CTIF: variants seen among roughly 807,000 people sequenced by gnomAD.
CTIF encodes the protein cap binding complex dependent translation initiation factor, also known as CBP80/20-dependent translation initiation factor.
CTIF carries 21 observed loss-of-function variants against 66.0 expected under a neutral mutation model. The observed-to-expected ratio is 0.32, with a 90% CI of 0.23 to 0.46. The LOEUF (loss-of-function observed/expected upper bound fraction) is 0.46, where lower values mean the gene tolerates loss of function less well. Ranked by LOEUF, CTIF falls within the 20% of genes least tolerant of loss-of-function variation. CTIF has a pLI of 1.00. For missense variants in CTIF, 739 were observed against 812.7 expected (o/e 0.91, Z 1.10); for synonymous variants, 345 against 326.4 (o/e 1.06, Z -0.62).
At chr18:48,742,875 G>A (rs1202717932) in intron 7 of CTIF, among the ~76,000 whole-genome samples, 10 of 152,144 alleles carry the variant, frequency 6.6e-5, no homozygotes, top group Admixed American at 6.5e-4. Context: ...CATGGGGTGA[G>A]CATCGGGGCT....
chr18:48,616,226 C>T (rs1204635622), intron 1 of CTIF, among the ~76,000 whole-genome samples: 7 of 152,222 alleles, frequency 4.6e-5, no homozygotes, highest in African/African-American at 1.2e-4. Flanking sequence ...GAATAATGGG[C>T]GTGGCCTTGT....
intron 9 of CTIF, among the ~76,000 whole-genome samples, chr18:48,807,190 T>G (rs965448948): frequency 6.6e-6 from 1 of 152,186 alleles, no homozygotes; most frequent in Non-Finnish European, 1.5e-5. Flanking sequence ...CGGGGCATGT[T>G]CACACCCCAG....
intron 2 of CTIF, among the ~76,000 whole-genome samples, chr18:48,620,708 C>CCT (rs917339264): frequency 6.6e-6 from 1 of 152,196 alleles, no homozygotes; most frequent in African/African-American, 2.4e-5. Flanking sequence ...TGGGGATCCG[C>CCT]CTCTCGTGCG....
In CTIF at chr18:48,761,600, G is replaced by A. The variant is rs200906813; in HGVS notation, c.1282G>A (p.Ala428Thr). The change falls in exon 9 of 12, where the codon GCC becomes ACC. Residue 428 changes from alanine (A) to threonine (T), a missense_variant. Transcript: ENST00000256413. This position sits in a 1 kb window ranked among gnomAD's most constrained non-coding sequence, Gnocchi z 4.2. ...GAAGGCTGTGTCCGACCGCAGCTTCGCCTTCACCGCTGCCAAGCTCTGCGA... is the reference window on the plus strand; with the variant it reads ...GAAGGCTGTGTCCGACCGCAGCTTCACCTTCACCGCTGCCAAGCTCTGCGA... Reference protein sequence around the residue: ...YQKAVSDRSFAFTAAKLCDKM... With the variant: ...YQKAVSDRSFTFTAAKLCDKM... 22 of 1,614,184 alleles carry A rather than the reference G, an allele frequency of 1.4e-5. No homozygotes were observed. The highest frequency in any genetic ancestry group is 6.7e-5 in the Admixed American group (4 of 60,032).
At chr18:48,547,179 C>T (rs947671647) in intron 1 of CTIF, among the ~76,000 whole-genome samples, 3 of 152,148 alleles carry the variant, frequency 2.0e-5, no homozygotes, top group Non-Finnish European at 4.4e-5. Flanking sequence ...CTGCACAACT[C>T]GGGGAGGCAT....
chr18:48,701,840 A>G (rs559381715), intron 6 of CTIF, among the ~76,000 whole-genome samples: 1 of 152,202 alleles, frequency 6.6e-6, no homozygotes, highest in Non-Finnish European at 1.5e-5. Flanking sequence ...GGGAGGGGCC[A>G]TGTCTGCTTT....
At chr18:48,740,947 T>C (rs1032645229) in intron 7 of CTIF, among the ~76,000 whole-genome samples, 1 of 152,242 alleles carries the variant, frequency 6.6e-6, no homozygotes, top group Admixed American at 6.5e-5. Flanking sequence ...AGCTTCCAGC[T>C]TTCTAGCTGT....
chr18:48,817,232 G>A lies in CTIF; in HGVS notation c.1383G>A (p.Thr461=), dbSNP rs371438326. 42 of 1,613,708 alleles carry A rather than the reference G, an allele frequency of 2.6e-5. No homozygotes were observed. In the African/African-American group the frequency reaches 2.8e-4, roughly 11 times the overall value. The change falls in exon 10 of 12, where the codon ACG becomes ACA. Residue 461 remains threonine, a synonymous_variant. Coordinates refer to ENST00000256413, the MANE Select transcript of CTIF (RefSeq NM_014772.3). ...TCATGCCTCCACAGAAGGACTTCACGGTGCGCGAGGAGCTGCAGCAGCAGG... is the reference window on the plus strand; with the variant it reads ...TCATGCCTCCACAGAAGGACTTCACAGTGCGCGAGGAGCTGCAGCAGCAGG... ...LLLNMLQKDF[T]VREELQQQDV...
chr18:48,712,698 G>A (rs2145493329), intron 7 of CTIF, among the ~76,000 whole-genome samples: 1 of 152,318 alleles, frequency 6.6e-6, no homozygotes, highest in East Asian at 1.9e-4. Flanking sequence ...GACATGCCTT[G>A]CTCAGAACCC....
chr18:48,649,882 G>A (rs956903883), intron 3 of CTIF, among the ~76,000 whole-genome samples: 11 of 152,210 alleles, frequency 7.2e-5, no homozygotes, highest in Non-Finnish European at 2.9e-5. Flanking sequence ...TGCACCTGAG[G>A]GACCTGACTG....
chr18:48,603,462 A>G (rs2144175051), intron 1 of CTIF, among the ~76,000 whole-genome samples: 1 of 76,156 alleles, frequency 1.3e-5, no homozygotes, highest in Non-Finnish European at 2.4e-5. Flanking sequence ...TAGGTGAGTG[A>G]ATGGATGGCT....
chr18:48,839,927 T>A (rs1463488530), intron 10 of CTIF, among the ~76,000 whole-genome samples: 3 of 152,140 alleles, frequency 2.0e-5, no homozygotes, highest in African/African-American at 7.2e-5. Flanking sequence ...AAATCCAATC[T>A]TCAGGTCTTC....
At chr18:48,839,437 G>A (rs1201301478) in intron 10 of CTIF, among the ~76,000 whole-genome samples, 1 of 152,172 alleles carries the variant, frequency 6.6e-6, no homozygotes, top group Admixed American at 6.5e-5. Flanking sequence ...AGCCCACTCA[G>A]TTCTAAGAGC....
chr18:48,861,207 C>G lies in CTIF; in HGVS notation c.*1648C>G, dbSNP rs2069460411. ...TTTCCCTGCAGCTGCAACCTGCCCT[C>G]TGGTCCCAGGTGTGGAGCCTTTGCC... On this transcript the variant is annotated 3_prime_UTR_variant, in exon 12 of 12. Transcript: ENST00000256413. The G allele has an allele frequency of 6.6e-6, 1 of 152,478 alleles. No homozygotes were observed. Among genetic ancestry groups the G allele is most frequent in the Middle Eastern group, 3.4e-3 (1 of 298 alleles). 9.4% of individuals were successfully genotyped at this position (152,478 alleles called of 1,614,324 possible). A position where few individuals can be genotyped will look rare whatever the true frequency, so the allele number is the denominator to read the frequency against.
chr18:48,657,894 CCTT>C lies in CTIF; in HGVS notation c.253-5852_253-5850del, dbSNP rs770845698. Among the ~76,000 whole-genome samples the C allele has an allele frequency of 2.0e-5, 3 of 152,136 alleles. 1 individual carries two copies. The highest frequency in any genetic ancestry group is 4.1e-4 in the South Asian group (2 of 4,822). On this transcript the variant is annotated intron_variant, in intron 3 of 11. Coordinates refer to ENST00000256413, the MANE Select transcript of CTIF (RefSeq NM_014772.3). ...CCTGGGATGAGCCGAGCTTGGGTCC[CCTT>C]CTTCTCTGTCCTCAGCTTGACAGCC...
At chr18:48,575,548 T>G (rs959965490) in intron 1 of CTIF, among the ~76,000 whole-genome samples, 4 of 152,230 alleles carry the variant, frequency 2.6e-5, no homozygotes, top group African/African-American at 9.6e-5. Context: ...AGAGTTGCGG[T>G]GTCAGGACCT....
At chr18:48,858,883 C>G (rs1337432908) in intron 11 of CTIF, among the ~76,000 whole-genome samples, 3 of 152,216 alleles carry the variant, frequency 2.0e-5, no homozygotes, top group Non-Finnish European at 2.9e-5. Flanking sequence ...CCCCTGCTCT[C>G]AAGTTCCAAT....
intron 1 of CTIF, among the ~76,000 whole-genome samples, chr18:48,583,954 G>A (rs571601761): frequency 2.0e-5 from 3 of 152,286 alleles, no homozygotes; most frequent in South Asian, 2.1e-4. Flanking sequence ...GAACAGGAAC[G>A]GTTTCATGAT....
At chr18:48,710,515 C>T (rs1212499076) in intron 6 of CTIF, among the ~76,000 whole-genome samples, 4 of 152,202 alleles carry the variant, frequency 2.6e-5, no homozygotes, top group Non-Finnish European at 5.9e-5. Context: ...TGGTGGTGCT[C>T]TCTGCCATGT....
Sources: gnomAD v4.1 joint callset for allele counts (sites outside exome capture counted in the v4.1 genomes callset) on GRCh38, gnomAD v4.1.1 for gene constraint, Gnocchi (gnomAD v3.1) non-coding constraint, MANE v1.5 for transcripts, NCBI Gene and HGNC (gene_info 2026-07-23, HGNC 2026-07-21) for gene names.